PCDH15: variants seen among roughly 807,000 people sequenced by gnomAD.
PCDH15 encodes the protein protocadherin-15.
Under a neutral mutation model 178.5 loss-of-function variants are expected in PCDH15, and 129 were observed. The observed-to-expected ratio is 0.72, with a 90% confidence interval of 0.63 to 0.84. PCDH15 has a LOEUF of 0.84. Ranked by LOEUF, PCDH15 falls within the 40% of genes least tolerant of loss-of-function variation. The pLI is 0.00. For missense variants in PCDH15, 2,230 were observed against 2,099.9 expected (o/e 1.06, Z -1.21); for synonymous variants, 800 against 732.0 (o/e 1.09, Z -1.50).
At chr10:54,518,756 C>A (rs1374817803) in intron 3 of PCDH15, among the ~76,000 whole-genome samples, 2 of 151,868 alleles carry the variant, frequency 1.3e-5, no homozygotes, top group Admixed American at 1.3e-4. Flanking sequence ...GAGACGCAAC[C>A]AAAAAAGAGA....
chr10:55,174,299 G>T (rs1224270677), intron 1 of PCDH15, among the ~76,000 whole-genome samples: 1 of 152,088 alleles, frequency 6.6e-6, no homozygotes, highest in Non-Finnish European at 1.5e-5. Flanking sequence ...GATCTTGAAG[G>T]CAAGGACAAT....
rs545541091 is a variant in PCDH15 at position 55,293,485 on chromosome 10, G to A, written c.-156+26114C>T. On this transcript the variant is annotated intron_variant, in intron 1 of 5. Transcript: ENST00000458638. ...AGAAAATGGGATATTCTTTTCTATC[G>A]CATTGTTAGGCTGCAAATTTTTCAA... 2.0e-4 allele frequency among the ~76,000 whole-genome samples: 31 copies of A among 152,192 alleles called. No homozygotes were observed. The East Asian group carries it at 4.2e-3, about 21-fold the overall frequency.
chr10:54,263,148 C>G (rs2132327843), intron 8 of PCDH15, among the ~76,000 whole-genome samples: 1 of 152,294 alleles, frequency 6.6e-6, no homozygotes, highest in East Asian at 1.9e-4. Context: ...ATCACAGCAA[C>G]TGCGGACATA....
At chr10:54,039,137 AG>A (rs1206337296) in intron 18 of PCDH15, among the ~76,000 whole-genome samples, 1 of 151,996 alleles carries the variant, frequency 6.6e-6, no homozygotes, top group Non-Finnish European at 1.5e-5. Flanking sequence ...AGAATATTTC[AG>A]AAAAACAAAA....
intron 3 of PCDH15, among the ~76,000 whole-genome samples, chr10:54,830,297 T>C (rs3926485): frequency 9.7e-4 from 147 of 152,136 alleles, no homozygotes; most frequent in Non-Finnish European, 1.3e-3. Flanking sequence ...ATGTTTATTG[T>C]GGCACTGTTC....
intron 3 of PCDH15, among the ~76,000 whole-genome samples, chr10:54,519,433 G>A (rs2082602070): frequency 6.6e-6 from 1 of 152,018 alleles, no homozygotes; most frequent in Non-Finnish European, 1.5e-5. Context: ...CAAACAGAGA[G>A]CCAAATCATG....
intron 2 of PCDH15, among the ~76,000 whole-genome samples, chr10:55,337,048 C>A (rs1844415834): frequency 6.6e-6 from 1 of 152,098 alleles, no homozygotes. Context: ...GTGTCAAATA[C>A]CCACGAGTGC....
intron 8 of PCDH15, among the ~76,000 whole-genome samples, chr10:54,312,943 AAT>A (rs1290413119): frequency 1.3e-5 from 2 of 152,094 alleles, no homozygotes; most frequent in Non-Finnish European, 2.9e-5. Context: ...TAAAAAAATA[AAT>A]ATTTGCCATA....
At chr10:55,103,377 C>T (rs559436116) in intron 2 of PCDH15, among the ~76,000 whole-genome samples, 1 of 152,204 alleles carries the variant, frequency 6.6e-6, no homozygotes, top group African/African-American at 2.4e-5. Flanking sequence ...TCTGTTAGTT[C>T]CTCTGTTGGG....
intron 10 of PCDH15, among the ~76,000 whole-genome samples, chr10:54,211,222 T>C (rs2051389894): frequency 6.9e-6 from 1 of 145,506 alleles, no homozygotes; most frequent in Admixed American, 6.6e-5. Context: ...ATCAAATAAC[T>C]TATCCAAACT....
intron 2 of PCDH15, among the ~76,000 whole-genome samples, chr10:55,004,871 TG>T (rs1839886234): frequency 6.6e-6 from 1 of 152,104 alleles, no homozygotes; most frequent in African/African-American, 2.4e-5. Context: ...CTTTGAAATA[TG>T]GGGATAGTTC....
chr10:54,295,578 G>A (rs1356180683), intron 8 of PCDH15, among the ~76,000 whole-genome samples: 3 of 152,174 alleles, frequency 2.0e-5, no homozygotes, highest in Non-Finnish European at 4.4e-5. Context: ...CCACTGGAAA[G>A]AAGAAACTCT....
chr10:55,014,609 A>C (rs1334512333), intron 2 of PCDH15, among the ~76,000 whole-genome samples: 1 of 152,184 alleles, frequency 6.6e-6, no homozygotes, highest in Non-Finnish European at 1.5e-5. Flanking sequence ...AGGATGTTAT[A>C]TTCATTTTGC....
At chr10:55,411,415 TAATA>T (rs1237447355) in intron 2 of PCDH15, among the ~76,000 whole-genome samples, 2 of 152,104 alleles carry the variant, frequency 1.3e-5, no homozygotes, top group East Asian at 3.9e-4. Flanking sequence ...TTTCTTTTAG[TAATA>T]AATAGCAAAA....
At chr10:54,903,225 TG>T (rs1954666837) in intron 2 of PCDH15, among the ~76,000 whole-genome samples, 1 of 152,070 alleles carries the variant, frequency 6.6e-6, no homozygotes. Flanking sequence ...TTCGTTTGGA[TG>T]GGAAGTGGCT....
intron 1 of PCDH15, among the ~76,000 whole-genome samples, chr10:54,746,529 CTGA>C (rs1436109476): frequency 3.9e-5 from 6 of 152,060 alleles, no homozygotes; most frequent in African/African-American, 1.4e-4. Flanking sequence ...CCCATTTACC[CTGA>C]TGTGATTATC....
Position 55,193,010 on chromosome 10 carries a change from C to T in PCDH15, c.-155-26359G>A, listed in dbSNP as rs140530611. On this transcript the variant is annotated intron_variant, in intron 1 of 5. Coordinates refer to the PCDH15 transcript ENST00000458638. ...CTTTTTTTTTTTTTTTTGATAATTG[C>T]AAGATACTTTAAAAAAGATGAAGTA... 3.3e-3 allele frequency among the ~76,000 whole-genome samples: 442 copies of T among 135,952 alleles called. 7 individuals are homozygous for T. The highest frequency in any genetic ancestry group is 0.011 in the African/African-American group (404 of 36,552). 89.2% of individuals were successfully genotyped at this position (135,952 alleles called of 152,430 possible).
chr10:54,709,627 T>TAAAA (rs1555162986), intron 1 of PCDH15, among the ~76,000 whole-genome samples: 3 of 141,850 alleles, frequency 2.1e-5, no homozygotes, highest in Admixed American at 7.2e-5. Context: ...TATATATATA[T>TAAAA]AAAATCACTT....
chr10:53,973,167 C>A (rs1345934945), intron 21 of PCDH15, among the ~76,000 whole-genome samples: 1 of 151,868 alleles, frequency 6.6e-6, no homozygotes, highest in Non-Finnish European at 1.5e-5. Context: ...TGGAAACCAT[C>A]ATTCTGAGCA....
Sources: gnomAD v4.1 joint callset for allele counts (sites outside exome capture counted in the v4.1 genomes callset) on GRCh38, gnomAD v4.1.1 for gene constraint, MANE v1.5 for transcripts, NCBI Gene and HGNC (gene_info 2026-07-23, HGNC 2026-07-21) for gene names.